The following TRIP12 variants were observed in gnomAD, a reference collection of about 807,000 sequenced individuals.
TRIP12 encodes thyroid hormone receptor interactor 12.
TRIP12 carries 25 observed loss-of-function variants against 244.2 expected under a neutral mutation model. The observed-to-expected ratio is 0.10, with a 90% CI of 0.07 to 0.14. TRIP12 has a LOEUF of 0.14. TRIP12 is among the 10% of genes least tolerant of loss of function. The pLI is 1.00. For missense variants in TRIP12, 1,677 were observed against 2,486.4 expected (o/e 0.67, Z 6.92); for synonymous variants, 905 against 873.1 (o/e 1.04, Z -0.64).
At chr2:229,867,738 C>CAG (rs2061831573) in intron 2 of TRIP12, among the ~76,000 whole-genome samples, 1 of 152,150 alleles carries the variant, frequency 6.6e-6, no homozygotes, top group African/African-American at 2.4e-5. Context: ...AGCAAATCCT[C>CAG]AGTGAGGGAT....
intron 1 of TRIP12, among the ~76,000 whole-genome samples, chr2:229,882,553 T>C (rs773630617): frequency 6.6e-6 from 1 of 152,112 alleles, no homozygotes; most frequent in Non-Finnish European, 1.5e-5. Flanking sequence ...AGGCCAGTCT[T>C]TTTCAAAATT....
chr2:229,826,083 C>T (rs2051497344), intron 8 of TRIP12, among the ~76,000 whole-genome samples: 1 of 151,992 alleles, frequency 6.6e-6, no homozygotes, highest in Non-Finnish European at 1.5e-5. Context: ...ATAATTTTTC[C>T]TGTATCAACT....
At chr2:229,831,065 G>GT in intron 6 of TRIP12, 3 of 696,674 alleles carry the variant, frequency 4.3e-6, no homozygotes, top group Non-Finnish European at 5.3e-6. Context: ...TTTTATGCTT[G>GT]TTTTTCATTT....
intron 4 of TRIP12, among the ~76,000 whole-genome samples, chr2:229,843,057 T>C (rs2154314536): frequency 6.7e-6 from 1 of 150,350 alleles, no homozygotes. Flanking sequence ...TCTTTCTCTC[T>C]CTCTCTCCCC....
At chr2:229,880,387 C>T (rs1404269183) in intron 1 of TRIP12, among the ~76,000 whole-genome samples, 1 of 152,122 alleles carries the variant, frequency 6.6e-6, no homozygotes, top group Non-Finnish European at 1.5e-5. Context: ...CACGGAATAG[C>T]CAGAAAATTC....
intron 39 of TRIP12, among the ~76,000 whole-genome samples, chr2:229,771,249 T>C (rs2034215278): frequency 1.3e-5 from 2 of 152,182 alleles, no homozygotes; most frequent in African/African-American, 4.8e-5. Context: ...AAGTCCCCAT[T>C]CTCCACTGAA....
chr2:229,915,708 T>C (rs566078107), intron 1 of TRIP12, among the ~76,000 whole-genome samples: 1 of 150,790 alleles, frequency 6.6e-6, no homozygotes, highest in East Asian at 1.9e-4. Flanking sequence ...AAAAAAAAAA[T>C]TTTTTGAGAC....
chr2:229,863,545 T>C (rs187980839), intron 2 of TRIP12, among the ~76,000 whole-genome samples: 10 of 152,292 alleles, frequency 6.6e-5, no homozygotes, highest in African/African-American at 2.4e-4. Context: ...AAACAGGCAG[T>C]GAGCCAGATT....
At chr2:229,866,732 G>C (rs1452735009) in intron 2 of TRIP12, among the ~76,000 whole-genome samples, 1 of 152,166 alleles carries the variant, frequency 6.6e-6, no homozygotes, top group Non-Finnish European at 1.5e-5. Flanking sequence ...AAAGAGGTCA[G>C]AGTCTCATAA....
chr2:229,838,551 G>C (rs921520559), intron 5 of TRIP12, among the ~76,000 whole-genome samples: 3 of 152,198 alleles, frequency 2.0e-5, no homozygotes, highest in Admixed American at 2.0e-4. Context: ...AGTAGAAGGA[G>C]AGACGGTTGC....
intron 1 of TRIP12, among the ~76,000 whole-genome samples, chr2:229,880,783 A>G (rs371548523): frequency 1.3e-5 from 2 of 152,158 alleles, no homozygotes; most frequent in East Asian, 3.9e-4. Context: ...GTCTCTACTG[A>G]AAATACAAAA....
At chr2:229,844,579 T>C (rs1348060239) in intron 4 of TRIP12, among the ~76,000 whole-genome samples, 2 of 152,334 alleles carry the variant, frequency 1.3e-5, no homozygotes, top group East Asian at 3.9e-4. Flanking sequence ...CCCACCATGA[T>C]AAAGTATTCT....
chr2:229,904,416 C>CAAAAA (rs34224407), intron 1 of TRIP12, among the ~76,000 whole-genome samples: 3 of 87,594 alleles, frequency 3.4e-5, no homozygotes, highest in Non-Finnish European at 6.3e-5. Context: ...ACTCCATCTC[C>CAAAAA]AAAAAAAAAA....
intron 4 of TRIP12, among the ~76,000 whole-genome samples, chr2:229,852,721 TCA>T (rs2058952733): frequency 6.6e-6 from 1 of 152,338 alleles, no homozygotes; most frequent in Admixed American, 6.5e-5. Context: ...AGGAAGTCTA[TCA>T]CTAAAGTAGC....
intron 1 of TRIP12, among the ~76,000 whole-genome samples, chr2:229,914,996 T>C (rs986922654): frequency 1.3e-5 from 2 of 152,226 alleles, no homozygotes; most frequent in Non-Finnish European, 2.9e-5. Flanking sequence ...TTCATTCTTG[T>C]AATACCAGCA....
At chr2:229,769,469 A>T (rs1049976641) in intron 39 of TRIP12, 144 bp from the exon 40 acceptor site, 41 of 379,144 alleles carry the variant, frequency 1.1e-4, no homozygotes, top group Middle Eastern at 7.4e-4. Flanking sequence ...AAAAAAAAAA[A>T]ATAATAATAA....
intron 39 of TRIP12, 38 bp downstream of exon 39, chr2:229,771,481 A>G (rs998544322): frequency 1.3e-6 from 2 of 1,554,250 alleles, no homozygotes; most frequent in Non-Finnish European, 1.8e-6. Context: ...CACTAAAATT[A>G]TAGGTATGAC....
chr2:229,885,760 G>T (rs1305569809), intron 1 of TRIP12, among the ~76,000 whole-genome samples: 1 of 152,064 alleles, frequency 6.6e-6, no homozygotes, highest in Non-Finnish European at 1.5e-5. Flanking sequence ...GAGAGGTGCC[G>T]AGAAACAATG....
intron 5 of TRIP12, among the ~76,000 whole-genome samples, chr2:229,839,474 G>A (rs2055782155): frequency 6.6e-6 from 1 of 151,930 alleles, no homozygotes; most frequent in South Asian, 2.1e-4. Context: ...TCAGGAGACC[G>A]AGACCATCCC....
Sources: gnomAD v4.1 joint callset for allele counts (sites outside exome capture counted in the v4.1 genomes callset) on GRCh38, gnomAD v4.1.1 for gene constraint, MANE v1.5 for transcripts, NCBI Gene and HGNC (gene_info 2026-07-23, HGNC 2026-07-21) for gene names.